XKR6: variants seen among roughly 807,000 people sequenced by gnomAD.
XKR6 encodes the protein XK related 6.
A neutral mutation model predicts 56.7 loss-of-function variants in XKR6; 22 were observed. The ratio of observed to expected loss-of-function variants is 0.39; its 90% CI spans 0.28 to 0.55. The LOEUF (loss-of-function observed/expected upper bound fraction) is 0.55. Ranked by LOEUF, XKR6 falls within the 20% of genes least tolerant of loss-of-function variation. The probability of loss-of-function intolerance (pLI) is 0.66; values close to 1 mark genes in which losing one functional copy is unlikely to be tolerated. For synonymous variants in XKR6, 524 were observed against 387.8 expected, an observed-to-expected ratio of 1.35 and a Z score of -4.13; for missense variants, 852 against 889.0, an observed-to-expected ratio of 0.96 and a Z score of 0.53.
rs1217916761 is a variant in XKR6 at position 10,898,554 on chromosome 8, T to C, written c.1324A>G (p.Met442Val). Residue 442 changes from methionine (M) to valine (V), a missense_variant, in exon 3 of 3, where the codon ATG (methionine) becomes GTG (valine). Transcript: ENST00000416569. The surrounding 1 kb of genome is among the most constrained non-coding windows in gnomAD (Gnocchi z 6.6). ...AAGACTATCGTATAATATGCAAACATTCGATATCGAGTCCGCCCTTCCTTG... is the reference window on the plus strand; with the variant it reads ...AAGACTATCGTATAATATGCAAACACTCGATATCGAGTCCGCCCTTCCTTG... ...NVKEGRTRYR[M>V]FAYYTIVLTE... is the part of the protein sequence containing the mutation. 1 of 1,614,058 alleles carries C rather than the reference T, an allele frequency of 6.2e-7. No homozygotes were observed. Among genetic ancestry groups the C allele is most frequent in the East Asian group, 2.2e-5 (1 of 44,880 alleles).
chr8:10,927,224 G>T (rs760881199), intron 1 of XKR6, among the ~76,000 whole-genome samples: 15 of 152,140 alleles, frequency 9.9e-5, no homozygotes, highest in Non-Finnish European at 1.9e-4. Flanking sequence ...GGGCATCAGG[G>T]GACATGAATG....
intron 1 of XKR6, among the ~76,000 whole-genome samples, chr8:10,961,488 G>A (rs1011218611): frequency 4.6e-5 from 7 of 152,254 alleles, no homozygotes; most frequent in Admixed American, 1.3e-4. Context: ...CTGAAAGCCA[G>A]AACCCAGGCC....
At chr8:11,108,964 C>A (rs1427964179) in intron 1 of XKR6, 2 of 152,304 alleles carry the variant, frequency 1.3e-5, no homozygotes, top group Non-Finnish European at 2.9e-5. Context: ...GGCTCATTTT[C>A]TCTGGGTGTT....
chr8:11,021,169 C>A (rs908356160), intron 1 of XKR6, among the ~76,000 whole-genome samples: 7 of 152,146 alleles, frequency 4.6e-5, no homozygotes, highest in Non-Finnish European at 1.0e-4. Flanking sequence ...AGTCTCAGAC[C>A]AGAAACTCTG....
chr8:11,193,648 A>G (rs1803704763), intron 1 of XKR6, among the ~76,000 whole-genome samples: 1 of 152,060 alleles, frequency 6.6e-6, no homozygotes, highest in Non-Finnish European at 1.5e-5. Flanking sequence ...TGGTATCACT[A>G]AAAAAATTTT....
intron 2 of XKR6, among the ~76,000 whole-genome samples, chr8:10,900,905 A>C (rs1586282076): frequency 7.9e-6 from 1 of 126,430 alleles, no homozygotes; most frequent in African/African-American, 3.1e-5. Context: ...CTCAGGCTGG[A>C]GTGCAGAGGC....
chr8:11,013,207 C>G (rs1798539798), intron 1 of XKR6, among the ~76,000 whole-genome samples: 1 of 152,186 alleles, frequency 6.6e-6, no homozygotes, highest in Non-Finnish European at 1.5e-5. Flanking sequence ...ATTGTACAGA[C>G]AAGGGCACCA....
chr8:11,038,688 C>T (rs568518410), intron 1 of XKR6, among the ~76,000 whole-genome samples: 3 of 152,156 alleles, frequency 2.0e-5, no homozygotes, highest in South Asian at 4.2e-4. Context: ...GTGCTCACCA[C>T]CACGCCTGGC....
chr8:11,184,503 G>A (rs1461077313), intron 1 of XKR6, among the ~76,000 whole-genome samples: 1 of 151,870 alleles, frequency 6.6e-6, no homozygotes, highest in African/African-American at 2.4e-5. Flanking sequence ...GGAACTAACT[G>A]AACAGGTATT....
chr8:10,911,195 T>G, intron 2 of XKR6, among the ~76,000 whole-genome samples: 1 of 122,662 alleles, frequency 8.2e-6, no homozygotes, highest in Admixed American at 8.3e-5. Context: ...AGAGAGAGGG[T>G]GTGCGTGTGT....
chr8:11,129,022 C>G (rs1459038927), intron 1 of XKR6: 1 of 454,698 alleles, frequency 2.2e-6, no homozygotes. Flanking sequence ...GTGAAACTTA[C>G]ACACAGTGAA....
intron 1 of XKR6, among the ~76,000 whole-genome samples, chr8:10,941,351 G>A (rs1801381935): frequency 6.6e-6 from 1 of 152,244 alleles, no homozygotes; most frequent in Non-Finnish European, 1.5e-5. Context: ...CTCAGCACTT[G>A]CAAGGCCTCC....
chr8:11,165,959 G>GTTTTT (rs943836510), intron 1 of XKR6, among the ~76,000 whole-genome samples: 1 of 140,910 alleles, frequency 7.1e-6, no homozygotes, highest in South Asian at 2.3e-4. Flanking sequence ...AGTTTTTTGG[G>GTTTTT]TTTTTTTTTT....
intron 1 of XKR6, among the ~76,000 whole-genome samples, chr8:11,096,048 C>T (rs962941419): frequency 6.6e-6 from 1 of 152,156 alleles, no homozygotes. Flanking sequence ...GTCAAAAATG[C>T]TATCAACAAA....
At chr8:10,964,941 C>T (rs181168774) in intron 1 of XKR6, among the ~76,000 whole-genome samples, 1 of 152,376 alleles carries the variant, frequency 6.6e-6, no homozygotes, top group Non-Finnish European at 1.5e-5. Context: ...CCAGAATCCA[C>T]ATCCCCGTGC....
chr8:11,192,797 G>A (rs1401443454), intron 1 of XKR6, among the ~76,000 whole-genome samples: 1 of 152,136 alleles, frequency 6.6e-6, no homozygotes, highest in Non-Finnish European at 1.5e-5. Context: ...CATGTTAATG[G>A]CCCCGTGGGC....
intron 1 of XKR6, among the ~76,000 whole-genome samples, chr8:11,113,098 C>G (rs114371676): frequency 0.01 from 1,570 of 152,268 alleles, 10 homozygotes; most frequent in African/African-American, 0.028. Context: ...TTCTCACCAT[C>G]TCATCAATTA....
At chr8:11,033,022 G>C (rs114677029) in intron 1 of XKR6, among the ~76,000 whole-genome samples, 1,899 of 152,268 alleles carry the variant, frequency 0.012, 42 homozygotes, top group African/African-American at 0.043. Context: ...GGATGGTAAG[G>C]ATGATGATGG....
At chr8:10,973,431 T>G (rs953050889) in intron 1 of XKR6, among the ~76,000 whole-genome samples, 2 of 152,188 alleles carry the variant, frequency 1.3e-5, no homozygotes, top group African/African-American at 4.8e-5. Flanking sequence ...GAGCTCCGTG[T>G]GCACCAGCCA....
Sources: gnomAD v4.1 joint callset for allele counts (sites outside exome capture counted in the v4.1 genomes callset) on GRCh38, gnomAD v4.1.1 for gene constraint, Gnocchi (gnomAD v3.1) non-coding constraint, MANE v1.5 for transcripts, NCBI Gene and HGNC (gene_info 2026-07-23, HGNC 2026-07-21) for gene names.